Variants in ANO2 observed in about 807,000 individuals in gnomAD.
ANO2 encodes the protein anoctamin-2.
In ANO2, 101 loss-of-function variants were observed where a neutral mutation model predicts 124.2. The ratio of observed to expected loss-of-function variants is 0.81; its 90% CI spans 0.69 to 0.96. ANO2 has a LOEUF of 0.96. Among genes scored for constraint, ANO2 ranks in the 40% least tolerant of loss-of-function variants. The pLI is 0.00. For missense variants in ANO2, 1,293 were observed against 1,274.5 expected, an observed-to-expected ratio of 1.01 and a Z score of -0.22; for synonymous variants, 486 against 482.5, an observed-to-expected ratio of 1.01 and a Z score of -0.09.
At chr12:5,913,494 C>T (rs182697948) in intron 3 of ANO2, among the ~76,000 whole-genome samples, 30 of 152,314 alleles carry the variant, frequency 2.0e-4, no homozygotes, top group Admixed American at 3.9e-4. Context: ...AAATCAGTCC[C>T]GCTTTGAATA....
intron 19 of ANO2, among the ~76,000 whole-genome samples, chr12:5,609,869 G>GTGTATATATATATATATATATATA (rs138016284): frequency 6.9e-6 from 1 of 144,378 alleles, no homozygotes; most frequent in Non-Finnish European, 1.5e-5. Flanking sequence ...TTTAGAAAAT[G>GTGTATATATATATATATATATATA]TATATATATA....
At chr12:5,720,596 A>G (rs60673522) in intron 14 of ANO2, among the ~76,000 whole-genome samples, 2,034 of 152,302 alleles carry the variant, frequency 0.013, 51 homozygotes, top group African/African-American at 0.045. Flanking sequence ...TCTCCTAGCA[A>G]CTACGCTATT....
At chr12:5,633,511 A>G (rs1015972298) in intron 16 of ANO2, among the ~76,000 whole-genome samples, 1 of 151,958 alleles carries the variant, frequency 6.6e-6, no homozygotes, top group Non-Finnish European at 1.5e-5. Context: ...TCCAGCAAAC[A>G]CTTTTCCATT....
intron 1 of ANO2, among the ~76,000 whole-genome samples, chr12:5,942,628 AGG>A (rs10609609): frequency 0.041 from 6,268 of 152,234 alleles, 167 homozygotes; most frequent in South Asian, 0.11. Flanking sequence ...GCTTCCCCAC[AGG>A]GGAAGCTCCA....
chr12:5,658,411 C>T lies in ANO2; in HGVS notation c.1546-10610G>A, dbSNP rs1049042296. Among the ~76,000 whole-genome samples, 12 of 151,750 alleles carry T rather than the reference C, an allele frequency of 7.9e-5. No individual in the cohort carries two copies. Among genetic ancestry groups the T allele is most frequent in the Admixed American group, 3.9e-4 (6 of 15,216 alleles). ...ACAACATCATCATCGTCATTGTTAT[C>T]ATCATCATAACCATACCATCAAAAT... On this transcript the variant is annotated intron_variant, in intron 14 of 24. Transcript: ENST00000682330. This position sits in a 1 kb window ranked among gnomAD's most constrained non-coding sequence, Gnocchi z 4.3.
chr12:5,670,105 T>C (rs1394440258), intron 14 of ANO2, among the ~76,000 whole-genome samples: 2 of 152,186 alleles, frequency 1.3e-5, no homozygotes, highest in Non-Finnish European at 2.9e-5. Flanking sequence ...CGTGTGGGAT[T>C]TGGAAACCAT....
At chr12:5,710,481 T>C (rs1480748608) in intron 14 of ANO2, among the ~76,000 whole-genome samples, 3 of 152,214 alleles carry the variant, frequency 2.0e-5, no homozygotes, top group Non-Finnish European at 4.4e-5. Context: ...TCAGTTGGGA[T>C]GGGGAGACCT....
intron 7 of ANO2, among the ~76,000 whole-genome samples, chr12:5,820,542 C>CG (rs1953757640): frequency 6.6e-6 from 1 of 152,206 alleles, no homozygotes; most frequent in Middle Eastern, 3.2e-3. Context: ...GGCAGAACCC[C>CG]CACATCGGCT....
At chr12:5,714,062 G>A (rs1435411703) in intron 14 of ANO2, among the ~76,000 whole-genome samples, 5 of 152,090 alleles carry the variant, frequency 3.3e-5, no homozygotes, top group South Asian at 2.1e-4. Flanking sequence ...GCTTCTCCTC[G>A]GCCTGCCTAT....
intron 7 of ANO2, among the ~76,000 whole-genome samples, chr12:5,812,027 C>T (rs1404233620): frequency 7.6e-6 from 1 of 132,252 alleles, no homozygotes; most frequent in Non-Finnish European, 1.6e-5. Flanking sequence ...CACCACCCCC[C>T]AAAAGAGAGA....
chr12:5,640,664 A>T (rs868419663), intron 15 of ANO2, among the ~76,000 whole-genome samples: 14 of 152,228 alleles, frequency 9.2e-5, no homozygotes, highest in Non-Finnish European at 1.9e-4. Flanking sequence ...GCAAATCAAA[A>T]CCACAATGAG....
chr12:5,703,608 T>C (rs566109778), intron 14 of ANO2, among the ~76,000 whole-genome samples: 8 of 152,142 alleles, frequency 5.3e-5, no homozygotes, highest in Non-Finnish European at 1.0e-4. Context: ...GGCACAATCA[T>C]GGCTCACTGC....
At chr12:5,766,447 T>C (rs538631449) in intron 10 of ANO2, among the ~76,000 whole-genome samples, 3 of 152,364 alleles carry the variant, frequency 2.0e-5, no homozygotes, top group East Asian at 3.9e-4. Flanking sequence ...GGAAGCCAGA[T>C]ACCAGAGTAT....
intron 10 of ANO2, among the ~76,000 whole-genome samples, chr12:5,755,351 A>G (rs968594372): frequency 6.7e-6 from 1 of 149,880 alleles, no homozygotes; most frequent in Non-Finnish European, 1.5e-5. Flanking sequence ...TGAGAATTCA[A>G]TTTTTTTCTT....
intron 14 of ANO2, among the ~76,000 whole-genome samples, chr12:5,697,488 C>A (rs1301590562): frequency 1.3e-5 from 2 of 152,054 alleles, no homozygotes; most frequent in Non-Finnish European, 2.9e-5. Context: ...TCCAAGATGG[C>A]TGAATAGGAA....
chr12:5,604,480 G>A (rs1283994316), intron 19 of ANO2, among the ~76,000 whole-genome samples: 1 of 152,194 alleles, frequency 6.6e-6, no homozygotes, highest in Non-Finnish European at 1.5e-5. Flanking sequence ...ACTATGGATA[G>A]AGCGTGCGTC....
chr12:5,814,094 A>T (rs1262792006), intron 7 of ANO2, among the ~76,000 whole-genome samples: 3 of 152,012 alleles, frequency 2.0e-5, no homozygotes, highest in Admixed American at 6.6e-5. Context: ...CAGTATTGAG[A>T]CCCCTGGCCT....
intron 1 of ANO2, among the ~76,000 whole-genome samples, chr12:5,937,066 A>G (rs1238935816): frequency 6.6e-6 from 1 of 152,152 alleles, no homozygotes; most frequent in Non-Finnish European, 1.5e-5. Flanking sequence ...TACTTCTTTC[A>G]GTATATACCC....
chr12:5,620,283 C>T (rs952955512), intron 16 of ANO2, among the ~76,000 whole-genome samples: 6 of 152,204 alleles, frequency 3.9e-5, no homozygotes, highest in Non-Finnish European at 7.3e-5. Context: ...AGGGGACCAA[C>T]AGCATCTGTC....
Sources: allele counts gnomAD v4.1 joint callset (sites outside exome capture counted in the v4.1 genomes callset), GRCh38; gene constraint gnomAD v4.1.1; non-coding constraint Gnocchi (gnomAD v3.1); transcripts MANE v1.5; gene names NCBI Gene and HGNC (gene_info 2026-07-23, HGNC 2026-07-21).